Variants in SIAH3 observed in about 807,000 individuals in gnomAD.
SIAH3 encodes the protein siah E3 ubiquitin protein ligase family member 3.
Under a neutral mutation model 12.6 loss-of-function variants are expected in SIAH3, and 9 were observed. The observed-to-expected ratio is 0.72, with a 90% confidence interval of 0.43 to 1.25. The LOEUF is 1.25. Among genes scored for constraint, SIAH3 ranks in the 50% most tolerant of loss-of-function variants. SIAH3 has a pLI of 0.00. For missense variants in SIAH3, 390 were observed against 365.4 expected (o/e 1.07, Z -0.55); for synonymous variants, 154 against 151.1 (o/e 1.02, Z -0.14).
chr13:45,846,002 G>A (rs1366775189), intron 1 of SIAH3, among the ~76,000 whole-genome samples: 1 of 151,788 alleles, frequency 6.6e-6, no homozygotes, highest in Non-Finnish European at 1.5e-5. Flanking sequence ...TGTATCTGGA[G>A]GAAGGGACAT....
intron 1 of SIAH3, among the ~76,000 whole-genome samples, chr13:45,832,103 G>A (rs968467605): frequency 1.3e-5 from 2 of 152,226 alleles, no homozygotes; most frequent in Non-Finnish European, 2.9e-5. Context: ...CAGCCACCCA[G>A]GTGGGCAAGG....
chr13:45,821,599 G>A (rs1333571573), intron 1 of SIAH3, among the ~76,000 whole-genome samples: 1 of 152,168 alleles, frequency 6.6e-6, no homozygotes, highest in Non-Finnish European at 1.5e-5. Flanking sequence ...ACTTCAAGGT[G>A]GAAAATCACC....
At chr13:45,842,674 A>G (rs77346033) in intron 1 of SIAH3, among the ~76,000 whole-genome samples, 6,669 of 152,256 alleles carry the variant, frequency 0.044, 380 homozygotes, top group East Asian at 0.15. Context: ...TAATCTTTAC[A>G]ACAACCATTT....
chr13:45,813,906 G>A (rs1378971023), intron 1 of SIAH3, among the ~76,000 whole-genome samples: 1 of 151,986 alleles, frequency 6.6e-6, no homozygotes, highest in East Asian at 1.9e-4. Context: ...ATTCCAAAGG[G>A]GTTAAGATTT....
chr13:45,840,773 G>A (rs1950737182), intron 1 of SIAH3, among the ~76,000 whole-genome samples: 2 of 152,200 alleles, frequency 1.3e-5, no homozygotes, highest in South Asian at 2.1e-4. Flanking sequence ...CTAAGGCCAA[G>A]CATGTCGGCT....
rs1267364472 is a variant in SIAH3 at position 45,780,282 on chromosome 13, T to TTC, written c.*3100_*3101insGA. ...GGTGGACTAGTGCTTTTTTTTTTTT[T>TTC]CTAAAGAGATAGGGTCTCACTCTGT... On this transcript the variant is annotated 3_prime_UTR_variant, in exon 2 of 2. Coordinates refer to ENST00000400405, the MANE Select transcript of SIAH3 (RefSeq NM_198849.3). The TTC allele has an allele frequency of 7.2e-6, 1 of 139,666 alleles. No homozygotes were observed. The highest frequency in any genetic ancestry group is 2.7e-5 in the African/African-American group (1 of 37,134). The allele number at this position is 139,666 out of a possible 1,614,324, so 8.7% of individuals were successfully genotyped here. A position where few individuals can be genotyped will look rare whatever the true frequency, so the allele number is the denominator to read the frequency against.
rs575282292 is a variant in SIAH3, at chr13:45,839,656, C to A, written c.135+11839G>T. Among the ~76,000 whole-genome samples, 1,183 of 151,972 alleles carry A rather than the reference C, an allele frequency of 7.8e-3. 13 individuals are homozygous for A. Among genetic ancestry groups the A allele is most frequent in the African/African-American group, 0.027 (1,133 of 41,416 alleles). Reference sequence around the variant, plus strand: ...GACCATCCTGGCTAACACGGTGAAACCCCATCTCTACTAAAAATACAAAAA... The same window carrying A: ...GACCATCCTGGCTAACACGGTGAAAACCCATCTCTACTAAAAATACAAAAA... On this transcript the variant is annotated intron_variant, in intron 1 of 1. Coordinates refer to ENST00000400405, the MANE Select transcript of SIAH3 (RefSeq NM_198849.3).
intron 1 of SIAH3, among the ~76,000 whole-genome samples, chr13:45,845,355 C>T (rs192134473): frequency 8.5e-5 from 13 of 152,166 alleles, no homozygotes; most frequent in Admixed American, 2.0e-4. Flanking sequence ...CTTGAGATCT[C>T]GGCGGTTTGG....
intron 1 of SIAH3, among the ~76,000 whole-genome samples, chr13:45,819,453 C>T (rs74073625): frequency 3.3e-5 from 5 of 151,906 alleles, no homozygotes; most frequent in South Asian, 2.1e-4. Context: ...GAGTGGTGGT[C>T]GCTGAGGAAG....
intron 1 of SIAH3, among the ~76,000 whole-genome samples, chr13:45,843,912 G>T (rs1167859010): frequency 6.6e-6 from 1 of 152,118 alleles, no homozygotes; most frequent in African/African-American, 2.4e-5. Flanking sequence ...CCTGAAAGTT[G>T]AATTCCCCAA....
Position 45,778,018 on chromosome 13 carries a change from G to C in SIAH3, c.*5365C>G, listed in dbSNP as rs368122885. ...TGGGTAGGCTATGGATTGTGAACAG[G>C]GTCCTTACTGGGTTGCAAAAAAGTG... On this transcript the variant is annotated 3_prime_UTR_variant, in exon 2 of 2. Coordinates refer to ENST00000400405, the MANE Select transcript of SIAH3 (RefSeq NM_198849.3). 2.0e-5 allele frequency: 3 copies of C among 152,280 alleles called. No homozygotes were observed. In the East Asian group the frequency reaches 5.8e-4, roughly 29 times the overall value. 9.4% of individuals were successfully genotyped at this position (152,280 alleles called of 1,614,324 possible).
chr13:45,784,396 C>CTTTTTT (rs1555256292), intron 1 of SIAH3, among the ~76,000 whole-genome samples: 13 of 102,006 alleles, frequency 1.3e-4, no homozygotes, highest in East Asian at 5.6e-4. Flanking sequence ...ACAAAGACAG[C>CTTTTTT]TGTTTTTTTT....
At chr13:45,814,662 T>C (rs1950627916) in intron 1 of SIAH3, among the ~76,000 whole-genome samples, 1 of 151,988 alleles carries the variant, frequency 6.6e-6, no homozygotes, top group South Asian at 2.1e-4. Context: ...ACTGGGGAAG[T>C]CATGAGTTTA....
intron 1 of SIAH3, 148 bp from the exon 2 acceptor site, chr13:45,784,205 A>AAAC: frequency 1.2e-6 from 1 of 808,658 alleles, no homozygotes; most frequent in Non-Finnish European, 1.9e-6. Flanking sequence ...ACAAACAAAC[A>AAAC]AACAAACAAA....
Position 45,806,708 on chromosome 13 carries a change from CT to C in SIAH3, c.136-22652del, listed in dbSNP as rs532566480. On this transcript the variant is annotated intron_variant, in intron 1 of 1. Transcript: ENST00000400405. Reference sequence around the variant, plus strand: ...TGTAACAAACCTGCACATTTACCCCCTAAACTTAAAAGCTGAAGAAAATAAA... The same window carrying C: ...TGTAACAAACCTGCACATTTACCCCCAAACTTAAAAGCTGAAGAAAATAAA... 5.1e-3 allele frequency among the ~76,000 whole-genome samples: 775 copies of C among 152,184 alleles called. 6 individuals carry two copies. The highest frequency in any genetic ancestry group is 0.018 in the African/African-American group (747 of 41,540).
intron 1 of SIAH3, among the ~76,000 whole-genome samples, chr13:45,826,225 G>A (rs1171212842): frequency 1.3e-5 from 2 of 152,060 alleles, no homozygotes; most frequent in East Asian, 1.9e-4. Flanking sequence ...GGGCTGGATT[G>A]TAAACCCTGT....
At chr13:45,814,095 C>T (rs1000139927) in intron 1 of SIAH3, among the ~76,000 whole-genome samples, 3 of 151,726 alleles carry the variant, frequency 2.0e-5, no homozygotes, top group African/African-American at 2.4e-5. Flanking sequence ...AAAAATTAGC[C>T]GGGCGTGGTG....
At chr13:45,811,847 G>A (rs1054386883) in intron 1 of SIAH3, among the ~76,000 whole-genome samples, 3 of 152,122 alleles carry the variant, frequency 2.0e-5, no homozygotes, top group African/African-American at 7.2e-5. Context: ...CTAGGGACTG[G>A]AGGTCATTTT....
rs1402531792 is a variant in SIAH3 at position 45,783,437 on chromosome 13, G to A, written c.756C>T (p.Ala252=). 1 of 1,613,978 alleles carries A rather than the reference G, an allele frequency of 6.2e-7. No individual in the cohort carries two copies. Among genetic ancestry groups the A allele is most frequent in the Admixed American group, 1.7e-5 (1 of 60,006 alleles). The change falls in exon 2 of 2, where the codon GCC becomes GCT. Residue 252 remains alanine (A), a synonymous_variant. Transcript: ENST00000400405. The stretch of plus-strand genomic sequence containing the variant: ...CTGTCGCGGTGATGGCAATCCCAAT[G>A]GCAAGGCTGCCGTTGTCAGAGAAGA... ...AQLFSDNGSL[A]IGIAITATEV... is the part of the protein sequence containing the mutation.
Sources: allele counts gnomAD v4.1 joint callset (sites outside exome capture counted in the v4.1 genomes callset), GRCh38; gene constraint gnomAD v4.1.1; transcripts MANE v1.5; gene names NCBI Gene and HGNC (gene_info 2026-07-23, HGNC 2026-07-21).